Variants in PPP4R2 observed in about 807,000 individuals in gnomAD.
PPP4R2 encodes serine/threonine-protein phosphatase 4 regulatory subunit 2.
A neutral mutation model predicts 47.2 loss-of-function variants in PPP4R2; 13 were observed. That is an observed-to-expected ratio of 0.28 (90% CI 0.18 to 0.44). PPP4R2 has a LOEUF of 0.44. Ranked by LOEUF, PPP4R2 falls within the 20% of genes least tolerant of loss-of-function variation. The pLI is 1.00. For missense variants in PPP4R2, 421 were observed against 491.2 expected (o/e 0.86, Z 1.35); for synonymous variants, 151 against 163.3 (o/e 0.92, Z 0.57).
In PPP4R2 at chr3:73,067,248, G is replaced by C. The variant is rs1703015911; in HGVS notation, c.*1526G>C. 2 of 151,936 alleles carry C rather than the reference G, an allele frequency of 1.3e-5. No homozygotes were observed. The highest frequency in any genetic ancestry group is 2.1e-4 in the South Asian group (1 of 4,822). 9.4% of individuals were successfully genotyped at this position (151,936 alleles called of 1,614,324 possible). A position where few individuals can be genotyped will look rare whatever the true frequency, so the allele number is the denominator to read the frequency against. On this transcript the variant is annotated 3_prime_UTR_variant, in exon 9 of 9. Transcript: ENST00000356692. ...AAGAATCCCCCCTTTTTTAGTTTCA[G>C]ATACCTGAACTACACAGATGAGCTT... is the stretch of plus-strand genomic sequence containing the variant.
At chr3:73,014,568 G>T (rs1701785896) in intron 2 of PPP4R2, among the ~76,000 whole-genome samples, 1 of 152,048 alleles carries the variant, frequency 6.6e-6, no homozygotes, top group South Asian at 2.1e-4. Context: ...AAAGTGCTGG[G>T]ATTACAGGCA....
intron 5 of PPP4R2, chr3:73,062,219 C>T (rs1263916358): frequency 6.3e-7 from 1 of 1,593,146 alleles, no homozygotes; most frequent in African/African-American, 1.4e-5. Flanking sequence ...ACCAATTTTC[C>T]ACAATGTCTC....
In PPP4R2 at chr3:73,067,801, A is replaced by G. The variant is rs1018808280; in HGVS notation, c.*2079A>G. On this transcript the variant is annotated 3_prime_UTR_variant, in exon 9 of 9. Transcript: ENST00000356692. ...CTGTGGTTTTATTTGTAAACTTGCA[A>G]TTGCTATATTTGCAAGGGCAAATGT... 12 of 152,218 alleles carry G rather than the reference A, an allele frequency of 7.9e-5. No individual in the cohort carries two copies. Among genetic ancestry groups the G allele is most frequent in the African/African-American group, 1.9e-4 (8 of 41,466 alleles). 9.4% of individuals were successfully genotyped at this position (152,218 alleles called of 1,614,324 possible). A position where few individuals can be genotyped will look rare whatever the true frequency, so the allele number is the denominator to read the frequency against.
chr3:73,010,861 A>T (rs1032591306), intron 2 of PPP4R2, among the ~76,000 whole-genome samples: 16 of 152,188 alleles, frequency 1.1e-4, no homozygotes, highest in African/African-American at 3.9e-4. Flanking sequence ...CCTAAATGGC[A>T]AATATTTAAT....
chr3:73,023,644 C>T (rs1469905733), intron 2 of PPP4R2, among the ~76,000 whole-genome samples: 1 of 152,162 alleles, frequency 6.6e-6, no homozygotes, highest in African/African-American at 2.4e-5. Context: ...TGCAGTAGTT[C>T]ATCAAAGGAA....
intron 2 of PPP4R2, among the ~76,000 whole-genome samples, chr3:73,042,459 G>A (rs1418412007): frequency 6.7e-6 from 1 of 150,336 alleles, no homozygotes; most frequent in Non-Finnish European, 1.5e-5. Context: ...CCGCCTCCTG[G>A]GTTCAAACAA....
intron 2 of PPP4R2, among the ~76,000 whole-genome samples, chr3:73,001,425 G>A (rs766297748): frequency 9.2e-5 from 14 of 152,038 alleles, no homozygotes; most frequent in African/African-American, 3.1e-4. Context: ...TTAGCCTAAC[G>A]TGGTGGCATG....
At chr3:72,998,505 T>C in intron 2 of PPP4R2, among the ~76,000 whole-genome samples, 1 of 152,200 alleles carries the variant, frequency 6.6e-6, no homozygotes, top group Admixed American at 6.5e-5. Flanking sequence ...TCCTAGAATT[T>C]TGTGGCTTTG....
chr3:73,041,877 A>G (rs760046923), intron 2 of PPP4R2, among the ~76,000 whole-genome samples: 8 of 152,222 alleles, frequency 5.3e-5, no homozygotes, highest in African/African-American at 1.2e-4. Flanking sequence ...CCTTTAGAGA[A>G]TTGTGAGAGA....
At chr3:73,041,609 A>C (rs528168001) in intron 2 of PPP4R2, among the ~76,000 whole-genome samples, 1 of 152,224 alleles carries the variant, frequency 6.6e-6, no homozygotes. Context: ...TTTGATGTTT[A>C]TAAATGGTGC....
intron 2 of PPP4R2, among the ~76,000 whole-genome samples, chr3:73,038,852 C>T (rs1026486199): frequency 1.3e-5 from 2 of 152,178 alleles, no homozygotes; most frequent in Non-Finnish European, 2.9e-5. Flanking sequence ...GAGCTATTGT[C>T]TGAAAGTTTG....
intron 8 of PPP4R2, 25 bp downstream of exon 8, chr3:73,065,166 G>T: frequency 6.4e-7 from 1 of 1,552,196 alleles, no homozygotes; most frequent in South Asian, 1.2e-5. Flanking sequence ...TCTGTAAAAG[G>T]GTGGAGTAAG....
At chr3:73,023,818 C>CTTTGT (rs546310455) in intron 2 of PPP4R2, among the ~76,000 whole-genome samples, 146 of 152,026 alleles carry the variant, frequency 9.6e-4, no homozygotes, top group Non-Finnish European at 1.9e-3. Flanking sequence ...TTGAGCAAAC[C>CTTTGT]TTTGTATGTT....
chr3:73,003,115 T>G (rs1204176290), intron 2 of PPP4R2, among the ~76,000 whole-genome samples: 1 of 110,078 alleles, frequency 9.1e-6, no homozygotes, highest in African/African-American at 3.8e-5. Flanking sequence ...CTAGGAATGT[T>G]AAATTTTTTT....
At chr3:73,060,421 G>A (rs1032355487) in intron 4 of PPP4R2, among the ~76,000 whole-genome samples, 4 of 152,310 alleles carry the variant, frequency 2.6e-5, no homozygotes, top group Non-Finnish European at 4.4e-5. Flanking sequence ...TCATAGTTGT[G>A]TGACCTTGGG....
intron 5 of PPP4R2, chr3:73,061,607 T>C (rs1382881575): frequency 5.9e-6 from 1 of 169,880 alleles, no homozygotes; most frequent in East Asian, 1.8e-4. Flanking sequence ...ATGCCAGTAG[T>C]GTTCCCCTCT....
intron 2 of PPP4R2, among the ~76,000 whole-genome samples, chr3:73,024,704 C>G (rs1399827307): frequency 6.6e-6 from 1 of 151,960 alleles, no homozygotes; most frequent in Non-Finnish European, 1.5e-5. Flanking sequence ...TTCTTCACAG[C>G]TCAGATTTCT....
At chr3:73,012,508 A>G (rs534245490) in intron 2 of PPP4R2, among the ~76,000 whole-genome samples, 34 of 152,264 alleles carry the variant, frequency 2.2e-4, no homozygotes, top group African/African-American at 8.2e-4. Flanking sequence ...TCACCATGTT[A>G]GCCAGGATGG....
intron 2 of PPP4R2, among the ~76,000 whole-genome samples, chr3:73,032,825 G>C (rs1702193403): frequency 6.6e-6 from 1 of 151,996 alleles, no homozygotes; most frequent in South Asian, 2.1e-4. Context: ...CGTTGTCTCT[G>C]TTAATGCTAT....
Sources: allele counts gnomAD v4.1 joint callset (sites outside exome capture counted in the v4.1 genomes callset), GRCh38; gene constraint gnomAD v4.1.1; transcripts MANE v1.5; gene names NCBI Gene and HGNC (gene_info 2026-07-23, HGNC 2026-07-21).